Variants in TRIP12 observed in about 807,000 individuals in gnomAD.
TRIP12 encodes thyroid hormone receptor interactor 12.
Under a neutral mutation model 244.2 loss-of-function variants are expected in TRIP12, and 25 were observed. That is an observed-to-expected ratio of 0.10 (90% CI 0.07 to 0.14). The LOEUF (loss-of-function observed/expected upper bound fraction) is 0.14, where lower values mean the gene tolerates loss of function less well. Ranked by LOEUF, TRIP12 falls within the 10% of genes least tolerant of loss-of-function variation. TRIP12 has a pLI of 1.00. For missense variants in TRIP12, 1,677 were observed against 2,486.4 expected (o/e 0.67, Z 6.92); for synonymous variants, 905 against 873.1 (o/e 1.04, Z -0.64).
chr2:229,841,942 A>G (rs2056514498), intron 4 of TRIP12, among the ~76,000 whole-genome samples: 1 of 152,242 alleles, frequency 6.6e-6, no homozygotes, highest in South Asian at 2.1e-4. Flanking sequence ...TTTAGACTCA[A>G]ATTAAAACTT....
At chr2:229,872,993 G>C (rs955173328) in intron 2 of TRIP12, among the ~76,000 whole-genome samples, 3 of 152,200 alleles carry the variant, frequency 2.0e-5, no homozygotes, top group Admixed American at 6.5e-5. Context: ...CTCCTGTACA[G>C]TGGTACAAAG....
chr2:229,844,480 CTA>C (rs2057169284), intron 4 of TRIP12, among the ~76,000 whole-genome samples: 1 of 152,166 alleles, frequency 6.6e-6, no homozygotes, highest in South Asian at 2.1e-4. Context: ...CTTACATGAT[CTA>C]TGTTAAAGGC....
At position 229,818,475 on chromosome 2, in the gene TRIP12, G is replaced by T; in HGVS notation, c.1488C>A (p.Ala496=). Residue 496 remains alanine (A), a synonymous_variant, in exon 9 of 42, where the codon GCC becomes GCA. Coordinates refer to ENST00000675903, the MANE Select transcript of TRIP12 (RefSeq NM_001348323.3). ...CCTGAAGCTGTTGACTTTCATCACTGGCTTGCAATCCTTGTAGTAGCTGCT... is the reference window on the plus strand; with the variant it reads ...CCTGAAGCTGTTGACTTTCATCACTTGCTTGCAATCCTTGTAGTAGCTGCT... ...KAQQLLQGLQ[A]SDESQQLQAV... 6.2e-7 allele frequency: 1 copy of T among 1,614,038 alleles called. No homozygotes were observed. Among genetic ancestry groups the T allele is most frequent in the South Asian group, 1.1e-5 (1 of 91,070 alleles).
In TRIP12 at chr2:229,794,570, T is replaced by G. The variant is rs1214236977; in HGVS notation, c.3968+609A>C. ...AACAAAGTAAGACTCTGTCCCAAAA[T>G]AAATAAATAAATAAATAAATAAATA... On this transcript the variant is annotated intron_variant, in intron 26 of 41. Transcript: ENST00000675903. Among the ~76,000 whole-genome samples the G allele has an allele frequency of 8.3e-5, 3 of 36,274 alleles. No individual in the cohort carries two copies. In the East Asian group the frequency reaches 1.2e-3, roughly 15 times the overall value. The allele number at this position is 36,274 out of a possible 152,430, so 23.8% of individuals were successfully genotyped here. A position where few individuals can be genotyped will look rare whatever the true frequency, so the allele number is the denominator to read the frequency against.
At chr2:229,786,836 AC>A (rs1364567982) in intron 33 of TRIP12, among the ~76,000 whole-genome samples, 2 of 152,140 alleles carry the variant, frequency 1.3e-5, no homozygotes. Flanking sequence ...CTCTTATGAA[AC>A]TTTTGGAGAT....
chr2:229,842,710 A>C (rs192759179), intron 4 of TRIP12, among the ~76,000 whole-genome samples: 2 of 152,324 alleles, frequency 1.3e-5, no homozygotes, highest in East Asian at 3.9e-4. Context: ...AGTAATAGAC[A>C]GTAGCACACA....
chr2:229,810,917 G>A lies in TRIP12; in HGVS notation c.2184C>T (p.Ser728=). ...GTTGAACAGCTAAAGTTGGACAGTTGGAACACATCAGAGAAAACATGCGAA... is the reference window on the plus strand; with the variant it reads ...GTTGAACAGCTAAAGTTGGACAGTTAGAACACATCAGAGAAAACATGCGAA... ...MVVRMFSLMC[S]NCPTLAVQLM... The change falls in exon 15 of 42, where the codon TCC becomes TCT. Residue 728 remains serine (S), a synonymous_variant. Coordinates refer to ENST00000675903, the MANE Select transcript of TRIP12 (RefSeq NM_001348323.3). 1.2e-6 allele frequency: 2 copies of A among 1,613,940 alleles called. No homozygotes were observed. The highest frequency in any genetic ancestry group is 1.7e-6 in the Non-Finnish European group (2 of 1,179,952).
intron 21 of TRIP12, among the ~76,000 whole-genome samples, chr2:229,800,012 C>G (rs969461232): frequency 1.3e-5 from 2 of 152,014 alleles, no homozygotes; most frequent in African/African-American, 4.8e-5. Context: ...ATATGCAACA[C>G]AAAGGAGCAA....
chr2:229,781,748 C>T (rs935535821), intron 34 of TRIP12, among the ~76,000 whole-genome samples: 5 of 152,128 alleles, frequency 3.3e-5, no homozygotes, highest in African/African-American at 9.7e-5. Context: ...AGAAATTCTT[C>T]CTAAAGGCCA....
At chr2:229,801,696 A>ATT (rs2044391102) in intron 21 of TRIP12, among the ~76,000 whole-genome samples, 1 of 152,244 alleles carries the variant, frequency 6.6e-6, no homozygotes, top group African/African-American at 2.4e-5. Flanking sequence ...TATAACAAAG[A>ATT]TTAAAAGCTG....
intron 1 of TRIP12, among the ~76,000 whole-genome samples, chr2:229,891,673 T>A (rs831374): frequency 6.6e-6 from 1 of 152,032 alleles, no homozygotes; most frequent in African/African-American, 2.4e-5. Context: ...TTTTCTAGTA[T>A]CAGCTAGGTT....
At chr2:229,920,899 GGA>G (rs1329403815) in intron 1 of TRIP12, among the ~76,000 whole-genome samples, 2 of 152,158 alleles carry the variant, frequency 1.3e-5, no homozygotes, top group Non-Finnish European at 2.9e-5. Context: ...GGAGAAGGAA[GGA>G]GAGGGGCTGA....
chr2:229,805,920 T>C (rs770427585), intron 17 of TRIP12, 37 bp from the exon 18 acceptor site: 102 of 1,473,456 alleles, frequency 6.9e-5, no homozygotes, highest in Non-Finnish European at 8.5e-5. Flanking sequence ...AATATAAACA[T>C]TGAGAAATCT....
intron 4 of TRIP12, among the ~76,000 whole-genome samples, chr2:229,851,746 T>C (rs1052245054): frequency 1.3e-5 from 2 of 151,658 alleles, no homozygotes; most frequent in East Asian, 3.9e-4. Flanking sequence ...TTAAGAACTG[T>C]AACACTCACC....
At position 229,911,700 on chromosome 2, in the gene TRIP12, T is replaced by C. The variant is rs557032010; in HGVS notation, c.-50+10180A>G. On this transcript the variant is annotated intron_variant, in intron 1 of 41. Coordinates refer to ENST00000675903, the MANE Select transcript of TRIP12 (RefSeq NM_001348323.3). ...CATTACTAAGTGCCCCATAAATACA[T>C]ACATATTATGTGTCAAAATAAAATT... is the stretch of plus-strand genomic sequence containing the variant. Among the ~76,000 whole-genome samples the C allele has an allele frequency of 2.6e-5, 4 of 152,332 alleles. No homozygotes were observed. The East Asian group carries it at 5.8e-4, about 22-fold the overall frequency.
intron 34 of TRIP12, among the ~76,000 whole-genome samples, chr2:229,783,140 T>C (rs892374330): frequency 6.6e-6 from 1 of 152,232 alleles, no homozygotes; most frequent in Non-Finnish European, 1.5e-5. Flanking sequence ...TTGTACTTTC[T>C]GCAAGCTAGG....
chr2:229,831,884 T>TC (rs1374866510), intron 6 of TRIP12, among the ~76,000 whole-genome samples: 2 of 116,722 alleles, frequency 1.7e-5, no homozygotes, highest in South Asian at 2.9e-4. Context: ...GTTTGTTTTT[T>TC]GGGTTTTTTT....
At chr2:229,771,965 A>C (rs919451969) in intron 38 of TRIP12, among the ~76,000 whole-genome samples, 2 of 152,258 alleles carry the variant, frequency 1.3e-5, no homozygotes, top group Admixed American at 6.5e-5. Context: ...CAAGAGGATA[A>C]AATGTTATTG....
rs1174642588 is a variant in TRIP12, at chr2:229,788,661, C to T, written c.4838+137G>A. 41 of 1,199,002 alleles carry T rather than the reference C, an allele frequency of 3.4e-5. No individual in the cohort carries two copies. The East Asian group carries it at 4.7e-4, about 14-fold the overall frequency. The allele number at this position is 1,199,002 out of a possible 1,614,324, so 74.3% of individuals were successfully genotyped here. On this transcript the variant is annotated intron_variant, in intron 32 of 41. Coordinates refer to ENST00000675903, the MANE Select transcript of TRIP12 (RefSeq NM_001348323.3). The stretch of plus-strand genomic sequence containing the variant: ...AGTCTGTTTACATGCTAAAGCCACA[C>T]AATTAAGCAAGTTGTGATCAACAGT...
Sources: allele counts gnomAD v4.1 joint callset (sites outside exome capture counted in the v4.1 genomes callset), GRCh38; gene constraint gnomAD v4.1.1; transcripts MANE v1.5; gene names NCBI Gene and HGNC (gene_info 2026-07-23, HGNC 2026-07-21).